SPTA1: variants seen among roughly 807,000 people sequenced by gnomAD.
SPTA1 encodes the protein spectrin alpha, erythrocytic 1, also known as spectrin alpha chain, erythrocytic 1.
A neutral mutation model predicts 324.7 loss-of-function variants in SPTA1; 177 were observed. That is an observed-to-expected ratio of 0.55 (90% CI 0.48 to 0.62). The LOEUF (loss-of-function observed/expected upper bound fraction) is 0.62, where lower values mean the gene tolerates loss of function less well. Ranked by LOEUF, SPTA1 falls within the 20% of genes least tolerant of loss-of-function variation. SPTA1 has a pLI of 0.00. For missense variants in SPTA1, 3,162 were observed against 2,883.6 expected, an observed-to-expected ratio of 1.10 and a Z score of -2.21; for synonymous variants, 1,195 against 1,041.3, an observed-to-expected ratio of 1.15 and a Z score of -2.84.
At chr1:158,648,801 G>A (rs1571446878) in intron 25 of SPTA1, 148 bp from the exon 26 acceptor site, 1 of 790,088 alleles carries the variant, frequency 1.3e-6, no homozygotes, top group East Asian at 2.9e-5. Context: ...TGTTTTTTAT[G>A]TGCTAGAAAC....
rs111885024 is a variant in SPTA1 at position 158,681,658 on chromosome 1, C to T, written c.400G>A (p.Glu134Lys). 1.2e-6 allele frequency: 2 copies of T among 1,613,636 alleles called. No homozygotes were observed. Residue 134 changes from glutamate (E) to lysine (K), a missense_variant, in exon 4 of 52, where the codon GAG (glutamate) becomes AAG (lysine). By Grantham distance (56) the Glu-to-Lys change is moderately conservative (BLOSUM62 1). Transcript: ENST00000643759. ...AGGTCCCACAGGTGGCGTAGCTCCT[C>T]TATATGGGCCTTTAGGAAAGAGGGG... ...SAHEETKAHI[E>K]ELRHLWDLLL...
In SPTA1 at chr1:158,620,313, G is replaced by A. The variant is rs920422071; in HGVS notation, c.6274C>T (p.Leu2092=). ...QKDHEDFLAS[L]ARAQADFKCL... ...TTAAAGTCTGCTTGAGCCCTAGCCA[G>A]GGAGGCCAAGAAGTCCTCATGGTCT... Residue 2092 remains leucine, a synonymous_variant, in exon 44 of 52, where the codon CTG becomes TTG. Coordinates refer to ENST00000643759, the MANE Select transcript of SPTA1 (RefSeq NM_003126.4). 6.2e-7 allele frequency: 1 copy of A among 1,614,094 alleles called. No homozygotes were observed. The highest frequency in any genetic ancestry group is 8.5e-7 in the Non-Finnish European group (1 of 1,180,036).
rs1288674227 is a variant in SPTA1 at position 158,644,277 on chromosome 1, A to T, written c.4314T>A (p.Asp1438Glu). ...CCTGGGCAGTGATTGCTTTGTCCAA[A>T]TCGTCCCGTTTCTTCATCAAAGCCT... ...SLEALMKKRD[D>E]LDKAITAQEG... is the part of the protein sequence containing the mutation. Residue 1438 changes from aspartate (D) to glutamate (E), a missense_variant, in exon 30 of 52, where the codon GAT becomes GAA. By Grantham distance (45) the Asp-to-Glu change is conservative (BLOSUM62 2). Transcript: ENST00000643759. 2 of 1,613,728 alleles carry T rather than the reference A, an allele frequency of 1.2e-6. No individual in the cohort carries two copies. Among genetic ancestry groups the T allele is most frequent in the Admixed American group, 1.7e-5 (1 of 59,942 alleles).
intron 42 of SPTA1, 138 bp downstream of exon 42, chr1:158,626,008 A>T (rs1650242797): frequency 1.5e-6 from 1 of 673,728 alleles, no homozygotes; most frequent in Admixed American, 2.8e-5. Flanking sequence ...AATAATTAGG[A>T]AATTATTAAT....
intron 21 of SPTA1, among the ~76,000 whole-genome samples, chr1:158,653,802 T>G (rs997955211): frequency 4.6e-5 from 7 of 152,054 alleles, no homozygotes; most frequent in African/African-American, 1.5e-4. Flanking sequence ...TGCACAAAAA[T>G]TCTTCTCTTC....
In SPTA1 at chr1:158,614,318, A is replaced by C. The variant is rs1383632197; in HGVS notation, c.6789-12T>G. On this transcript the variant is annotated splice_polypyrimidine_tract_variant and intron_variant, in intron 48 of 51. Transcript: ENST00000643759. ...CACCTTTGATGTCCCTGAAAGAAAA[A>C]AAAAAAACATGAATTTTCCCTGTAT... The C allele has an allele frequency of 6.3e-7, 1 of 1,578,448 alleles. No individual in the cohort carries two copies. The highest frequency in any genetic ancestry group is 1.1e-5 in the South Asian group (1 of 89,032).
intron 3 of SPTA1, among the ~76,000 whole-genome samples, chr1:158,682,181 C>T (rs1226187171): frequency 1.3e-5 from 2 of 152,182 alleles, no homozygotes; most frequent in Non-Finnish European, 1.5e-5. Context: ...TGAGAATCTA[C>T]AGAGGGCTTT....
intron 22 of SPTA1, 145 bp downstream of exon 22, chr1:158,653,128 AG>A (rs1333979714): frequency 8.3e-6 from 11 of 1,322,866 alleles, no homozygotes; most frequent in Non-Finnish European, 1.2e-5. Flanking sequence ...AACATTTAAA[AG>A]ATTCTAGGTT....
rs142102801 is a variant in SPTA1, at chr1:158,653,439, A to G, written c.3037-14T>C. ...CTTCCACCAGTCCTGAAGGGAGAGCAGATCCCCACTCCGTCATTAATTCTT... is the reference window on the plus strand; with the variant it reads ...CTTCCACCAGTCCTGAAGGGAGAGCGGATCCCCACTCCGTCATTAATTCTT... On this transcript the variant is annotated splice_polypyrimidine_tract_variant and intron_variant, in intron 21 of 51. Coordinates refer to ENST00000643759, the MANE Select transcript of SPTA1 (RefSeq NM_003126.4). 12,831 of 1,613,928 alleles carry G rather than the reference A, an allele frequency of 8.0e-3. 122 individuals are homozygous for G. The highest frequency in any genetic ancestry group is 8.1e-3 in the Non-Finnish European group (9,537 of 1,179,964).
At position 158,642,517 on chromosome 1, in the gene SPTA1, A is replaced by T; in HGVS notation, c.4631T>A (p.Phe1544Tyr). 1.2e-6 allele frequency: 2 copies of T among 1,613,562 alleles called. No homozygotes were observed. The highest frequency in any genetic ancestry group is 8.5e-7 in the Non-Finnish European group (1 of 1,179,644). The change falls in exon 33 of 52, where the codon TTT (phenylalanine) becomes TAT (tyrosine). Residue 1544 changes from phenylalanine (F) to tyrosine (Y), a missense_variant. Coordinates refer to ENST00000643759, the MANE Select transcript of SPTA1 (RefSeq NM_003126.4). Reference sequence around the variant, plus strand: ...AGATCGGCCATCGACTTCATGTGCAAAGGTCTGGTGTTTCAGGTATTTCCT... The same window carrying T: ...AGATCGGCCATCGACTTCATGTGCATAGGTCTGGTGTTTCAGGTATTTCCT... ...IQRKYLKHQT[F>Y]AHEVDGRSEQ...
intron 23 of SPTA1, among the ~76,000 whole-genome samples, chr1:158,651,930 T>C (rs536490525): frequency 2.0e-5 from 3 of 151,452 alleles, no homozygotes; most frequent in African/African-American, 7.3e-5. Context: ...TGTGCGCGTG[T>C]GTGTGTGTTA....
intron 32 of SPTA1, 134 bp from the exon 33 acceptor site, chr1:158,642,676 C>T (rs1651694924): frequency 4.5e-6 from 7 of 1,562,036 alleles, no homozygotes; most frequent in Non-Finnish European, 6.2e-6. Context: ...GAACCTGCTC[C>T]ACATCAGACT....
At chr1:158,650,773 G>A (rs57082820) in intron 24 of SPTA1, among the ~76,000 whole-genome samples, 1 of 152,172 alleles carries the variant, frequency 6.6e-6, no homozygotes, top group Admixed American at 6.5e-5. Flanking sequence ...CAAAATTGCA[G>A]TTCAAATTCA....
intron 7 of SPTA1, among the ~76,000 whole-genome samples, chr1:158,677,450 G>A (rs967172250): frequency 1.3e-5 from 2 of 152,060 alleles, no homozygotes; most frequent in African/African-American, 4.8e-5. Flanking sequence ...GAAAACACAA[G>A]AGAATATAAA....
At position 158,654,595 on chromosome 1, in the gene SPTA1, T is replaced by G; in HGVS notation, c.3036+16A>C. On this transcript the variant is annotated intron_variant, in intron 21 of 51. Transcript: ENST00000643759. ...AAGAGCCACTTTTTGATGGAAAGAT[T>G]AGAAGGAAAAGTCACCTTATTGATG... is the stretch of plus-strand genomic sequence containing the variant. 1 of 1,613,828 alleles carries G rather than the reference T, an allele frequency of 6.2e-7. No homozygotes were observed. The highest frequency in any genetic ancestry group is 1.1e-5 in the South Asian group (1 of 91,058).
rs1161642367 is a variant in SPTA1 at position 158,668,014 on chromosome 1, T to C, written c.1882A>G (p.Lys628Glu). The change falls in exon 15 of 52, where the codon AAG becomes GAG. Residue 628 changes from lysine to glutamate, a missense_variant. Coordinates refer to ENST00000643759, the MANE Select transcript of SPTA1 (RefSeq NM_003126.4). ...SRVQKQQVFE[K>E]ELAVNKTQLE... Reference sequence around the variant, plus strand: ...TGGGTCTTATTAACTGCCAACTCCTTTTCAAAGACTTGCTGCTTTTGAACC... The same window carrying C: ...TGGGTCTTATTAACTGCCAACTCCTCTTCAAAGACTTGCTGCTTTTGAACC... The C allele has an allele frequency of 9.3e-6, 15 of 1,613,684 alleles. No homozygotes were observed. Among genetic ancestry groups the C allele is most frequent in the Non-Finnish European group, 1.2e-5 (14 of 1,179,950 alleles).
intron 22 of SPTA1, 150 bp downstream of exon 22, chr1:158,653,124 T>G: frequency 7.7e-7 from 1 of 1,305,918 alleles, no homozygotes; most frequent in Middle Eastern, 2.7e-4. Flanking sequence ...CCGAAACATT[T>G]AAAAGATTCT....
chr1:158,642,709 T>C, intron 32 of SPTA1, 105 bp downstream of exon 32: 2 of 1,590,696 alleles, frequency 1.3e-6, no homozygotes, highest in Non-Finnish European at 1.7e-6. Flanking sequence ...AGAGCAGGCA[T>C]GGTAGCCTCA....
intron 31 of SPTA1, 24 bp from the exon 32 acceptor site, chr1:158,643,000 C>A (rs752017169): frequency 6.2e-7 from 1 of 1,613,112 alleles, no homozygotes; most frequent in Admixed American, 1.7e-5. Context: ...CCAAATCACT[C>A]TATGCCCTCC....
Sources: gnomAD v4.1 joint callset for allele counts (sites outside exome capture counted in the v4.1 genomes callset) on GRCh38, gnomAD v4.1.1 for gene constraint, MANE v1.5 for transcripts, NCBI Gene and HGNC (gene_info 2026-07-23, HGNC 2026-07-21) for gene names.